Variants in HNRNPC observed in about 807,000 individuals in gnomAD.
HNRNPC encodes the protein heterogeneous nuclear ribonucleoproteins C1/C2.
HNRNPC carries 3 observed loss-of-function variants against 33.2 expected under a neutral mutation model. The ratio of observed to expected loss-of-function variants is 0.09; its 90% confidence interval spans 0.04 to 0.23. The LOEUF (loss-of-function observed/expected upper bound fraction) is 0.23, where lower values mean the gene tolerates loss of function less well. Ranked by LOEUF, HNRNPC falls within the 10% of genes least tolerant of loss-of-function variation. The pLI, the probability that HNRNPC is intolerant of heterozygous loss-of-function variation, is 1.00. For synonymous variants in HNRNPC, 121 were observed against 126.7 expected (o/e 0.96, Z 0.30); for missense variants, 143 against 366.7 (o/e 0.39, Z 4.98).
intron 5 of HNRNPC, among the ~76,000 whole-genome samples, chr14:21,219,581 T>C (rs1250711093): frequency 2.0e-5 from 3 of 152,230 alleles, no homozygotes; most frequent in African/African-American, 7.2e-5. Context: ...TTTTGACATA[T>C]ATTCATACAG....
At chr14:21,261,003 C>T (rs1178179801) in intron 2 of HNRNPC, among the ~76,000 whole-genome samples, 2 of 151,496 alleles carry the variant, frequency 1.3e-5, no homozygotes, top group African/African-American at 4.9e-5. Context: ...ATTATGTTGC[C>T]CAGCCTGGAG....
At chr14:21,265,871 CCTT>C (rs1566652688) in intron 1 of HNRNPC, among the ~76,000 whole-genome samples, 3 of 152,228 alleles carry the variant, frequency 2.0e-5, no homozygotes, top group East Asian at 1.9e-4. Flanking sequence ...GGTTTGGATC[CCTT>C]CTTCTAAAGG....
rs371971359 is a variant in HNRNPC at position 21,261,415 on chromosome 14, T to C, written c.-37+1896A>G. On this transcript the variant is annotated intron_variant, in intron 2 of 8. Coordinates refer to ENST00000553300, the MANE Select transcript of HNRNPC (RefSeq NM_004500.4). The stretch of plus-strand genomic sequence containing the variant: ...AGAGCATCAATAAAACTTGCACTTA[T>C]TTAAAAAATAAAGATTCCCATTCTT... Among the ~76,000 whole-genome samples the C allele has an allele frequency of 3.3e-5, 5 of 152,316 alleles. No individual in the cohort carries two copies. The East Asian group carries it at 7.7e-4, about 23-fold the overall frequency.
intron 2 of HNRNPC, chr14:21,234,629 T>C (rs1336271645): frequency 2.4e-5 from 4 of 166,132 alleles, no homozygotes; most frequent in African/African-American, 9.6e-5. Context: ...ATGCTAACTA[T>C]TCCCTGCCAT....
rs187678340 is a variant in HNRNPC at position 21,210,298 on chromosome 14, G to C, written c.*925C>G. ...AAAGCACTGATGAAAAGGCAGAGAG[G>C]ATATACTTCCCAAACTTTCATTAGG... On this transcript the variant is annotated 3_prime_UTR_variant, in exon 9 of 9. Coordinates refer to ENST00000553300, the MANE Select transcript of HNRNPC (RefSeq NM_004500.4). 166 of 152,248 alleles carry C rather than the reference G, an allele frequency of 1.1e-3. No individual in the cohort carries two copies. The highest frequency in any genetic ancestry group is 3.8e-3 in the African/African-American group (157 of 41,526). The allele number at this position is 152,248 out of a possible 1,614,324, so 9.4% of individuals were successfully genotyped here.
intron 5 of HNRNPC, among the ~76,000 whole-genome samples, chr14:21,224,490 C>A (rs906613775): frequency 1.3e-5 from 2 of 152,142 alleles, no homozygotes; most frequent in African/African-American, 4.8e-5. Context: ...GTCACGAAGA[C>A]AAAATCTCAG....
At chr14:21,244,692 T>C (rs1000588661) in intron 2 of HNRNPC, among the ~76,000 whole-genome samples, 3 of 152,196 alleles carry the variant, frequency 2.0e-5, no homozygotes, top group Non-Finnish European at 4.4e-5. Flanking sequence ...TGTCACTGTG[T>C]TAATGTCGTA....
At position 21,233,987 on chromosome 14, in the gene HNRNPC, T is replaced by C. The variant is rs1894395300; in HGVS notation, c.207A>G (p.Gly69=). Residue 69 remains glycine (G), a synonymous_variant, in exon 3 of 9, where the codon GGA becomes GGG. Coordinates refer to ENST00000553300, the MANE Select transcript of HNRNPC (RefSeq NM_004500.4). ...GGCCAGCAATCATTCTGCCATCCTC[T>C]CCTGCTACAGCAGCCCGGGCATTTC... ...NERNARAAVA[G]EDGRMIAGQV... is the part of the protein sequence containing the mutation. 2 of 1,613,834 alleles carry C rather than the reference T, an allele frequency of 1.2e-6. No homozygotes were observed. Among genetic ancestry groups the C allele is most frequent in the Non-Finnish European group, 1.7e-6 (2 of 1,179,828 alleles).
chr14:21,226,345 A>G (rs71410269), intron 5 of HNRNPC, among the ~76,000 whole-genome samples: 3 of 150,040 alleles, frequency 2.0e-5, no homozygotes, highest in Non-Finnish European at 4.4e-5. Context: ...AAAAAAAAAA[A>G]GAAAGAAAGA....
chr14:21,266,715 T>C (rs901263077), intron 1 of HNRNPC, among the ~76,000 whole-genome samples: 9 of 150,300 alleles, frequency 6.0e-5, no homozygotes, highest in Non-Finnish European at 1.0e-4. Context: ...TAAGAGCAAA[T>C]AATGCTCCCC....
At chr14:21,265,939 G>A (rs116747222) in intron 1 of HNRNPC, among the ~76,000 whole-genome samples, 1,770 of 152,298 alleles carry the variant, frequency 0.012, 27 homozygotes, top group African/African-American at 0.038. Context: ...CTTACTAGAA[G>A]TGCAAACTCT....
chr14:21,261,666 C>G (rs1373324984), intron 2 of HNRNPC, among the ~76,000 whole-genome samples: 6 of 152,082 alleles, frequency 3.9e-5, no homozygotes, highest in Non-Finnish European at 8.8e-5. Context: ...GGTGTCAAGG[C>G]AGGAGGATCG....
At chr14:21,218,684 A>AG (rs1892487203) in intron 5 of HNRNPC, among the ~76,000 whole-genome samples, 2 of 96,722 alleles carry the variant, frequency 2.1e-5, no homozygotes, top group East Asian at 7.1e-4. Flanking sequence ...TCTCTCTCAA[A>AG]AAAAAAAAAA....
At position 21,266,206 on chromosome 14, in the gene HNRNPC, G is replaced by A. The variant is rs188834535; in HGVS notation, c.-62-2870C>T. ...CAACCTCCACCTCCCAGGTTCAAGCGATTCTCCTGCCTCAGCCTCCCGAGT... is the reference window on the plus strand; with the variant it reads ...CAACCTCCACCTCCCAGGTTCAAGCAATTCTCCTGCCTCAGCCTCCCGAGT... On this transcript the variant is annotated intron_variant, in intron 1 of 8. Coordinates refer to ENST00000553300, the MANE Select transcript of HNRNPC (RefSeq NM_004500.4). Among the ~76,000 whole-genome samples the A allele has an allele frequency of 1.1e-4, 16 of 152,248 alleles. No homozygotes were observed. The East Asian group carries it at 1.9e-3, about 18-fold the overall frequency.
intron 2 of HNRNPC, among the ~76,000 whole-genome samples, chr14:21,251,260 CAAAAAAAAAAAA>C (rs71419116): frequency 8.1e-5 from 4 of 49,488 alleles, no homozygotes; most frequent in East Asian, 8.2e-4. Context: ...GACTCCCTCT[CAAAAAAAAAAAA>C]AAAAAAAAAA....
chr14:21,228,738 T>G (rs975279779), intron 5 of HNRNPC, among the ~76,000 whole-genome samples: 8 of 151,952 alleles, frequency 5.3e-5, no homozygotes, highest in Non-Finnish European at 2.9e-5. Flanking sequence ...AAAATAAAAA[T>G]GAAGAATTAC....
At chr14:21,257,769 CTA>C (rs1261775670) in intron 2 of HNRNPC, among the ~76,000 whole-genome samples, 1 of 152,112 alleles carries the variant, frequency 6.6e-6, no homozygotes, top group Non-Finnish European at 1.5e-5. Flanking sequence ...CAGGCTCTTG[CTA>C]TGTTGCCAGA....
chr14:21,261,316 C>G (rs929830831), intron 2 of HNRNPC, among the ~76,000 whole-genome samples: 4 of 152,108 alleles, frequency 2.6e-5, no homozygotes, highest in Non-Finnish European at 4.4e-5. Context: ...AGGAATAAAT[C>G]AAACTGAACC....
chr14:21,245,559 T>C (rs1279619884), intron 2 of HNRNPC, among the ~76,000 whole-genome samples: 1 of 152,102 alleles, frequency 6.6e-6, no homozygotes, highest in East Asian at 1.9e-4. Context: ...TGAATGGAGC[T>C]TTTAGGACTG....
Sources: allele counts gnomAD v4.1 joint callset (sites outside exome capture counted in the v4.1 genomes callset), GRCh38; gene constraint gnomAD v4.1.1; transcripts MANE v1.5; gene names NCBI Gene and HGNC (gene_info 2026-07-23, HGNC 2026-07-21).